TSTD2: variants seen among roughly 807,000 people sequenced by gnomAD.
TSTD2 encodes the protein thiosulfate sulfurtransferase like domain containing 2.
In TSTD2, 37 loss-of-function variants were observed where a neutral mutation model predicts 47.9. That is an observed-to-expected ratio of 0.77 (90% CI 0.59 to 1.02). The LOEUF (loss-of-function observed/expected upper bound fraction) is 1.02. Ranked by LOEUF, TSTD2 falls within the 50% of genes least tolerant of loss-of-function variation. TSTD2 has a pLI of 0.00. For missense variants in TSTD2, 586 were observed against 616.0 expected (o/e 0.95, Z 0.52); for synonymous variants, 201 against 215.9 (o/e 0.93, Z 0.61).
At chr9:97,603,534 C>T (rs914208272) in intron 9 of TSTD2, among the ~76,000 whole-genome samples, 2 of 152,158 alleles carry the variant, frequency 1.3e-5, no homozygotes, top group African/African-American at 4.8e-5. Context: ...TAAGAGACAA[C>T]TCAAAACCAC....
chr9:97,632,712 G>GT (rs1181867754), intron 1 of TSTD2, among the ~76,000 whole-genome samples: 1 of 152,204 alleles, frequency 6.6e-6, no homozygotes, highest in Admixed American at 6.5e-5. Flanking sequence ...AAACAAAGCA[G>GT]TAACACGATC....
At position 97,602,321 on chromosome 9, in the gene TSTD2, G is replaced by C; in HGVS notation, c.*148C>G. On this transcript the variant is annotated 3_prime_UTR_variant, in exon 10 of 10. Coordinates refer to ENST00000341170, the MANE Select transcript of TSTD2 (RefSeq NM_139246.5). The stretch of plus-strand genomic sequence containing the variant: ...TAGACAACGTGACTCCTCCCCTCCC[G>C]CTGTGAAGTGTAGACGGCTGCCACG... The C allele has an allele frequency of 1.1e-6, 1 of 905,304 alleles. No individual in the cohort carries two copies. Among genetic ancestry groups the C allele is most frequent in the South Asian group, 1.9e-5 (1 of 53,484 alleles). The allele number at this position is 905,304 out of a possible 1,614,324, so 56.1% of individuals were successfully genotyped here.
chr9:97,625,911 C>A lies in TSTD2; in HGVS notation c.252G>T (p.Gln84His). The change falls in exon 3 of 10, where the codon CAG becomes CAT. Residue 84 changes from glutamine (Q) to histidine (H), a missense_variant. By Grantham distance (24) the Gln-to-His change is conservative. Transcript: ENST00000341170. ...GGATGCTGGTTTGGTCTGTGAATAGCTGCCGACAGCATTTCCACAATTTTT... is the reference window on the plus strand; with the variant it reads ...GGATGCTGGTTTGGTCTGTGAATAGATGCCGACAGCATTTCCACAATTTTT... ...CKEKLWKCCRQLFTDQTSIHR... is the reference protein window; with the variant it reads ...CKEKLWKCCRHLFTDQTSIHR... The A allele has an allele frequency of 1.9e-6, 3 of 1,614,118 alleles. No homozygotes were observed. Among genetic ancestry groups the A allele is most frequent in the Non-Finnish European group, 2.5e-6 (3 of 1,179,974 alleles).
chr9:97,601,292 G>A lies in TSTD2; in HGVS notation c.*1177C>T. The A allele has an allele frequency of 8.4e-7, 1 of 1,187,760 alleles. No individual in the cohort carries two copies. Among genetic ancestry groups the A allele is most frequent in the South Asian group, 1.6e-5 (1 of 64,104 alleles). 73.6% of individuals were successfully genotyped at this position (1,187,760 alleles called of 1,614,324 possible). A position where few individuals can be genotyped will look rare whatever the true frequency, so the allele number is the denominator to read the frequency against. Reference sequence around the variant, plus strand: ...TGTTTCTTGGAACCTGTGTGACAGGGACATGTGCCTGGCACACTGGCCAGA... The same window carrying A: ...TGTTTCTTGGAACCTGTGTGACAGGAACATGTGCCTGGCACACTGGCCAGA... On this transcript the variant is annotated 3_prime_UTR_variant, in exon 10 of 10. Transcript: ENST00000341170.
rs1334026933 is a variant in TSTD2, at chr9:97,602,430, A to G, written c.*39T>C. On this transcript the variant is annotated 3_prime_UTR_variant, in exon 10 of 10. Coordinates refer to ENST00000341170, the MANE Select transcript of TSTD2 (RefSeq NM_139246.5). ...TTCTCTGTATAGTCACCCCAAACCT[A>G]CTTTTACCGAGGGCCTGGGAAAATG... 3.2e-6 allele frequency: 5 copies of G among 1,546,396 alleles called. No individual in the cohort carries two copies. Among genetic ancestry groups the G allele is most frequent in the Admixed American group, 1.9e-5 (1 of 52,088 alleles).
At chr9:97,611,447 A>G in intron 5 of TSTD2, 127 bp downstream of exon 5, 2 of 1,176,088 alleles carry the variant, frequency 1.7e-6, no homozygotes, top group South Asian at 2.0e-5. Context: ...CCCAAGCCCC[A>G]AAAAATAAAG....
chr9:97,624,126 G>A (rs941612895), intron 3 of TSTD2, among the ~76,000 whole-genome samples: 22 of 152,160 alleles, frequency 1.4e-4, no homozygotes, highest in Admixed American at 6.5e-5. Flanking sequence ...TGATGATCCT[G>A]CCTCCTGGTA....
intron 3 of TSTD2, among the ~76,000 whole-genome samples, chr9:97,622,438 G>A (rs1587982579): frequency 6.6e-6 from 1 of 152,360 alleles, no homozygotes; most frequent in East Asian, 1.9e-4. Context: ...GGCCTTCATG[G>A]AGAACCTCTG....
At chr9:97,611,117 C>G (rs935420170) in intron 5 of TSTD2, 1 of 158,294 alleles carries the variant, frequency 6.3e-6, no homozygotes, top group African/African-American at 2.4e-5. Flanking sequence ...TGTACTGTCT[C>G]GTAACCTAAA....
chr9:97,604,562 C>G (rs1410846210), intron 9 of TSTD2, 165 bp downstream of exon 9: 1 of 1,097,790 alleles, frequency 9.1e-7, no homozygotes, highest in Non-Finnish European at 1.3e-6. Context: ...CTAGGGTTCT[C>G]TCAGCTCCAC....
At chr9:97,618,181 G>T (rs1329878355) in intron 3 of TSTD2, among the ~76,000 whole-genome samples, 1 of 152,158 alleles carries the variant, frequency 6.6e-6, no homozygotes, top group African/African-American at 2.4e-5. Flanking sequence ...TTAGAAATTT[G>T]GTTCCATTCT....
At chr9:97,606,650 T>C (rs1014464068) in intron 6 of TSTD2, among the ~76,000 whole-genome samples, 6 of 152,232 alleles carry the variant, frequency 3.9e-5, no homozygotes, top group Admixed American at 3.3e-4. Flanking sequence ...TGGCCACTGC[T>C]CTATTGTCAC....
chr9:97,620,875 G>A (rs1370296902), intron 3 of TSTD2, among the ~76,000 whole-genome samples: 1 of 152,206 alleles, frequency 6.6e-6, no homozygotes, highest in South Asian at 2.1e-4. Context: ...CAAAAAATTT[G>A]CAGTCTGACA....
intron 3 of TSTD2, among the ~76,000 whole-genome samples, chr9:97,623,988 T>G (rs963840212): frequency 1.3e-5 from 2 of 152,216 alleles, no homozygotes; most frequent in African/African-American, 4.8e-5. Flanking sequence ...TTCTGTGCCT[T>G]AAGGATCTAG....
At position 97,600,687 on chromosome 9, in the gene TSTD2, A is replaced by G. The variant is rs1826237969; in HGVS notation, c.*1782T>C. ...ATTGCTGCTGACCTTACGCCTGTAT[A>G]TTAAGCCTCCGCAGGATGCCGGACA... On this transcript the variant is annotated 3_prime_UTR_variant, in exon 10 of 10. Transcript: ENST00000341170. 1 of 1,001,588 alleles carries G rather than the reference A, an allele frequency of 1.0e-6. No homozygotes were observed. Among genetic ancestry groups the G allele is most frequent in the Non-Finnish European group, 1.2e-6 (1 of 839,782 alleles). 62.0% of individuals were successfully genotyped at this position (1,001,588 alleles called of 1,614,324 possible).
rs369934861 is a variant in TSTD2 at position 97,625,669 on chromosome 9, T to A, written c.482+12A>T. The A allele has an allele frequency of 1.3e-6, 2 of 1,588,958 alleles. No individual in the cohort carries two copies. The highest frequency in any genetic ancestry group is 2.7e-5 in the African/African-American group (2 of 73,652). ...CTTTAAATCAAACCAAAATACAGAA[T>A]GAAAATCTTACCTTATCAGCTCATC... On this transcript the variant is annotated intron_variant, in intron 3 of 9. Transcript: ENST00000341170.
intron 3 of TSTD2, among the ~76,000 whole-genome samples, chr9:97,619,729 T>C (rs1826600540): frequency 6.6e-6 from 1 of 152,182 alleles, no homozygotes; most frequent in African/African-American, 2.4e-5. Context: ...GATGTGTTCA[T>C]TGACTGTTTA....
intron 3 of TSTD2, among the ~76,000 whole-genome samples, chr9:97,620,125 T>C (rs931589458): frequency 6.6e-6 from 1 of 152,186 alleles, no homozygotes; most frequent in African/African-American, 2.4e-5. Context: ...TTCCCACGTG[T>C]CATTGGAGGA....
rs767462003 is a variant in TSTD2, at chr9:97,604,652, T to C, written c.1252+75A>G. 5.0e-6 allele frequency: 8 copies of C among 1,595,962 alleles called. No homozygotes were observed. In the African/African-American group the frequency reaches 1.1e-4, roughly 21 times the overall value. ...GTAATGAGCACTGGCCTGTCTTCCC[T>C]GTGTCATTTTTCTAGAATAGTGAAC... On this transcript the variant is annotated intron_variant, in intron 9 of 9. Transcript: ENST00000341170.
Sources: gnomAD v4.1 joint callset for allele counts (sites outside exome capture counted in the v4.1 genomes callset) on GRCh38, gnomAD v4.1.1 for gene constraint, MANE v1.5 for transcripts, NCBI Gene and HGNC (gene_info 2026-07-23, HGNC 2026-07-21) for gene names.